The following KCNIP4 variants were observed in gnomAD, a reference collection of about 807,000 sequenced individuals.
The protein encoded by KCNIP4 is Kv channel-interacting protein 4.
KCNIP4 carries 12 observed loss-of-function variants against 34.0 expected under a neutral mutation model. That is an observed-to-expected ratio of 0.35 (90% CI 0.23 to 0.57). The LOEUF (loss-of-function observed/expected upper bound fraction) is 0.57, where lower values mean the gene tolerates loss of function less well. KCNIP4 is among the 20% of genes least tolerant of loss of function. The pLI is 0.83. For missense variants in KCNIP4, 238 were observed against 311.7 expected, an observed-to-expected ratio of 0.76 and a Z score of 1.78; for synonymous variants, 124 against 102.2, an observed-to-expected ratio of 1.21 and a Z score of -1.29.
At chr4:20,930,902 A>C (rs955789883) in intron 1 of KCNIP4, among the ~76,000 whole-genome samples, 4 of 151,898 alleles carry the variant, frequency 2.6e-5, no homozygotes, top group Non-Finnish European at 5.9e-5. Context: ...AATACAGTAC[A>C]CTGTTGGCGG....
intron 1 of KCNIP4, among the ~76,000 whole-genome samples, chr4:21,269,088 C>G (rs748238614): frequency 3.9e-5 from 6 of 152,106 alleles, no homozygotes; most frequent in Non-Finnish European, 8.8e-5. Flanking sequence ...GGAGCCTGCC[C>G]ATGGTTTTAT....
intron 3 of KCNIP4, among the ~76,000 whole-genome samples, chr4:20,829,631 C>A (rs757194296): frequency 6.6e-6 from 1 of 152,162 alleles, no homozygotes; most frequent in Non-Finnish European, 1.5e-5. Flanking sequence ...TATTATATTT[C>A]TGTGTACAAT....
At chr4:21,569,166 A>G (rs976882457) in intron 1 of KCNIP4, among the ~76,000 whole-genome samples, 1 of 145,842 alleles carries the variant, frequency 6.9e-6, no homozygotes, top group Non-Finnish European at 1.5e-5. Flanking sequence ...AAACTAAGAC[A>G]AGCTTTAATG....
chr4:21,146,137 G>A (rs1279448218), intron 1 of KCNIP4, among the ~76,000 whole-genome samples: 2 of 152,138 alleles, frequency 1.3e-5, no homozygotes, highest in African/African-American at 2.4e-5. Flanking sequence ...AGTGGCTCAC[G>A]CCTGTAACCC....
At chr4:20,884,770 C>T (rs948072347) in intron 1 of KCNIP4, among the ~76,000 whole-genome samples, 13 of 149,428 alleles carry the variant, frequency 8.7e-5, no homozygotes, top group African/African-American at 2.5e-4. Context: ...TGCAGTGGCG[C>T]GATCTCAGTT....
intron 1 of KCNIP4, among the ~76,000 whole-genome samples, chr4:21,372,687 G>A (rs1447385469): frequency 6.8e-6 from 1 of 146,690 alleles, no homozygotes; most frequent in East Asian, 2.0e-4. Context: ...TCAAATTGAT[G>A]TTGAAAGGTA....
In KCNIP4 at chr4:21,521,551, T is replaced by G. The variant is rs536840759; in HGVS notation, c.61+427020A>C. 1.2e-4 allele frequency among the ~76,000 whole-genome samples: 18 copies of G among 152,198 alleles called. No individual in the cohort carries two copies. The East Asian group carries it at 2.5e-3, about 21-fold the overall frequency. ...TTGCCATGCCACTACTCCCCTAACT[T>G]CTCTAACTCAGGAATAACATCATCA... On this transcript the variant is annotated intron_variant, in intron 1 of 8. Transcript: ENST00000382152.
chr4:21,916,177 G>C (rs964908343), intron 1 of KCNIP4, among the ~76,000 whole-genome samples: 2 of 152,172 alleles, frequency 1.3e-5, no homozygotes, highest in African/African-American at 2.4e-5. Flanking sequence ...GTAAAGACGT[G>C]ACTATATGTG....
At chr4:21,483,632 A>T (rs929395234) in intron 1 of KCNIP4, among the ~76,000 whole-genome samples, 25 of 150,160 alleles carry the variant, frequency 1.7e-4, no homozygotes, top group African/African-American at 4.9e-4. Context: ...TACTAAAAAT[A>T]AAAAAAAATT....
intron 1 of KCNIP4, among the ~76,000 whole-genome samples, chr4:20,905,522 T>TTTTTTTTTTTTTTTTTTTTTTTTTG (rs768668990): frequency 4.7e-4 from 52 of 111,244 alleles, no homozygotes; most frequent in Non-Finnish European, 7.1e-4. Flanking sequence ...TTTTTTTTTT[T>TTTTTTTTTTTTTTTTTTTTTTTTTG]TTTGTTTGAG....
chr4:21,252,369 G>GC lies in KCNIP4; in HGVS notation c.62-369661dup, dbSNP rs1442831622. Among the ~76,000 whole-genome samples, 25 of 151,968 alleles carry GC rather than the reference G, an allele frequency of 1.6e-4. No individual in the cohort carries two copies. The East Asian group carries it at 3.9e-3, about 24-fold the overall frequency. The stretch of plus-strand genomic sequence containing the variant: ...TCTCGATCTCCTAACCTCGTGATCC[G>GC]CCCGCCTCGGCCTCCCAAAGTACTG... On this transcript the variant is annotated intron_variant, in intron 1 of 8. Transcript: ENST00000382152.
intron 6 of KCNIP4, 65 bp from the exon 7 acceptor site, chr4:20,732,850 C>G: frequency 1.0e-6 from 1 of 980,946 alleles, no homozygotes; most frequent in Non-Finnish European, 1.6e-6. Flanking sequence ...CTAAGAAGCT[C>G]TGACAGATTT....
At chr4:21,226,171 G>T (rs1292271731) in intron 1 of KCNIP4, among the ~76,000 whole-genome samples, 2 of 145,884 alleles carry the variant, frequency 1.4e-5, no homozygotes, top group Admixed American at 1.4e-4. Context: ...CTTCATTTTG[G>T]GTGGCTGAGG....
At chr4:21,000,217 A>T (rs1461084326) in intron 1 of KCNIP4, among the ~76,000 whole-genome samples, 1 of 151,912 alleles carries the variant, frequency 6.6e-6, no homozygotes, top group African/African-American at 2.4e-5. Context: ...ACCACTGCCA[A>T]CTCCAGACCA....
At chr4:21,434,815 C>A (rs1046306328) in intron 1 of KCNIP4, among the ~76,000 whole-genome samples, 13 of 148,350 alleles carry the variant, frequency 8.8e-5, no homozygotes, top group African/African-American at 3.2e-4. Flanking sequence ...TCCCCGGTGG[C>A]GAAAAGGTTG....
chr4:21,882,352 C>T (rs564967051), intron 1 of KCNIP4, among the ~76,000 whole-genome samples: 53 of 152,216 alleles, frequency 3.5e-4, no homozygotes, highest in African/African-American at 1.2e-3. Context: ...TAGGCAAGGG[C>T]TTGAACAACC....
intron 1 of KCNIP4, among the ~76,000 whole-genome samples, chr4:21,498,304 C>T (rs1733017307): frequency 6.6e-6 from 1 of 152,008 alleles, no homozygotes; most frequent in Non-Finnish European, 1.5e-5. Context: ...TTCTTCTTGG[C>T]CAATAGTTAC....
rs190904508 is a variant in KCNIP4, at chr4:21,252,562, C to A, written c.62-369853G>T. Among the ~76,000 whole-genome samples the A allele has an allele frequency of 3.2e-3, 491 of 152,078 alleles. 5 individuals are homozygous for A. The highest frequency in any genetic ancestry group is 0.011 in the African/African-American group (458 of 41,472). On this transcript the variant is annotated intron_variant, in intron 1 of 8. Coordinates refer to ENST00000382152, the MANE Select transcript of KCNIP4 (RefSeq NM_025221.6). ...ACCATCACCTAAGCAGGGCAGCACA[C>A]GAAGACCTGATGTAACGCTGACAAT...
chr4:20,923,409 A>G (rs1039406153), intron 1 of KCNIP4, among the ~76,000 whole-genome samples: 1 of 152,200 alleles, frequency 6.6e-6, no homozygotes, highest in Non-Finnish European at 1.5e-5. Flanking sequence ...AGAATGAGGT[A>G]TCTGCAGTGG....
Sources: gnomAD v4.1 joint callset for allele counts (sites outside exome capture counted in the v4.1 genomes callset) on GRCh38, gnomAD v4.1.1 for gene constraint, MANE v1.5 for transcripts, NCBI Gene and HGNC (gene_info 2026-07-23, HGNC 2026-07-21) for gene names.